STPG2: variants seen among roughly 807,000 people sequenced by gnomAD.
STPG2 encodes the protein sperm tail PG-rich repeat containing 2.
STPG2 carries 56 observed loss-of-function variants against 54.2 expected under a neutral mutation model. The ratio of observed to expected loss-of-function variants is 1.03; its 90% CI spans 0.83 to 1.29. STPG2 has a LOEUF of 1.29. STPG2 is among the 50% of genes most tolerant of loss of function. The pLI is 0.00. For synonymous variants in STPG2, 200 were observed against 181.8 expected (o/e 1.10, Z -0.81); for missense variants, 596 against 544.9 (o/e 1.09, Z -0.93).
rs1045408927 is a variant in STPG2 at position 97,899,872 on chromosome 4, A to C, written c.1044+44025T>G. Among the ~76,000 whole-genome samples, 14 of 152,316 alleles carry C rather than the reference A, an allele frequency of 9.2e-5. No homozygotes were observed. The South Asian group carries it at 1.4e-3, about 16-fold the overall frequency. On this transcript the variant is annotated intron_variant, in intron 8 of 10. Coordinates refer to ENST00000295268, the MANE Select transcript of STPG2 (RefSeq NM_174952.3). ...AAAATCCAAACTATAAAAACCCTTG[A>C]AGACAACCTAGGCAATATCATTCTG...
chr4:97,630,461 A>C (rs1721238112), intron 10 of STPG2, among the ~76,000 whole-genome samples: 1 of 151,874 alleles, frequency 6.6e-6, no homozygotes, highest in Non-Finnish European at 1.5e-5. Flanking sequence ...TATTCTGAAA[A>C]CTGACTCCAC....
At chr4:97,841,752 A>G (rs1301471681) in intron 8 of STPG2, among the ~76,000 whole-genome samples, 1 of 151,802 alleles carries the variant, frequency 6.6e-6, no homozygotes, top group Non-Finnish European at 1.5e-5. Flanking sequence ...CTTACTAGCT[A>G]TGTGACCTTA....
chr4:97,869,111 T>C (rs551419971), intron 8 of STPG2, among the ~76,000 whole-genome samples: 2 of 151,796 alleles, frequency 1.3e-5, no homozygotes, highest in South Asian at 4.1e-4. Context: ...TTTTGCTAAA[T>C]TGTTTGTTGA....
At chr4:97,609,840 C>T (rs1033597233) in intron 10 of STPG2, among the ~76,000 whole-genome samples, 4 of 151,728 alleles carry the variant, frequency 2.6e-5, no homozygotes, top group African/African-American at 9.7e-5. Flanking sequence ...ATTTCAAATT[C>T]AAACGTCTGT....
Position 98,125,405 on chromosome 4 carries a change from T to C in STPG2, c.387+3023A>G, listed in dbSNP as rs561620971. On this transcript the variant is annotated intron_variant, in intron 3 of 10. Transcript: ENST00000295268. Reference sequence around the variant, plus strand: ...TGTTGTTGTTGTTGCTGTTTGTTTGTCTCTTAACATCAGGGCCCTCCTCTG... The same window carrying C: ...TGTTGTTGTTGTTGCTGTTTGTTTGCCTCTTAACATCAGGGCCCTCCTCTG... Among the ~76,000 whole-genome samples the C allele has an allele frequency of 3.3e-5, 5 of 152,258 alleles. No homozygotes were observed. In the East Asian group the frequency reaches 9.6e-4, roughly 29 times the overall value.
intron 8 of STPG2, among the ~76,000 whole-genome samples, chr4:97,911,161 C>CT (rs1473009611): frequency 6.6e-6 from 1 of 152,236 alleles, no homozygotes; most frequent in East Asian, 1.9e-4. Flanking sequence ...AATAAGATCC[C>CT]TTCAAGCCCA....
At chr4:97,861,058 A>T (rs542197223) in intron 8 of STPG2, among the ~76,000 whole-genome samples, 1 of 152,312 alleles carries the variant, frequency 6.6e-6, no homozygotes, top group East Asian at 1.9e-4. Flanking sequence ...GTGAAGAGAC[A>T]ACCCTCAGAA....
chr4:98,056,804 A>G (rs1396537443), intron 5 of STPG2, among the ~76,000 whole-genome samples: 1 of 151,994 alleles, frequency 6.6e-6, no homozygotes, highest in Non-Finnish European at 1.5e-5. Flanking sequence ...GTAGGTTCTC[A>G]TAAGATTTGG....
chr4:97,920,892 C>A (rs544069762), intron 8 of STPG2, among the ~76,000 whole-genome samples: 1 of 152,158 alleles, frequency 6.6e-6, no homozygotes, highest in Non-Finnish European at 1.5e-5. Context: ...AAGAAATTAA[C>A]AACGAAGAGT....
intron 10 of STPG2, among the ~76,000 whole-genome samples, chr4:97,590,638 GACACACACACAC>G (rs5860506): frequency 1.7e-4 from 23 of 138,620 alleles, no homozygotes; most frequent in Admixed American, 5.2e-4. Flanking sequence ...CAGACACACA[GACACACACACAC>G]ACACACACAC....
intron 8 of STPG2, among the ~76,000 whole-genome samples, chr4:97,905,561 T>C (rs957055423): frequency 6.7e-6 from 1 of 149,828 alleles, no homozygotes; most frequent in Non-Finnish European, 1.5e-5. Context: ...ACGAGCAAAA[T>C]AACCAGTTAA....
intron 4 of STPG2, among the ~76,000 whole-genome samples, chr4:97,468,632 G>T (rs1364898573): frequency 6.6e-6 from 1 of 151,994 alleles, no homozygotes; most frequent in African/African-American, 2.4e-5. Context: ...AGTCCAAGCA[G>T]ATTTTCTGGA....
At chr4:97,650,305 G>A (rs1722029037) in intron 10 of STPG2, among the ~76,000 whole-genome samples, 1 of 152,090 alleles carries the variant, frequency 6.6e-6, no homozygotes, top group South Asian at 2.1e-4. Flanking sequence ...AATAGATGTC[G>A]ATGAAAAGAG....
intron 8 of STPG2, among the ~76,000 whole-genome samples, chr4:97,900,742 G>T (rs914229457): frequency 7.9e-5 from 12 of 151,920 alleles, no homozygotes; most frequent in African/African-American, 2.9e-4. Flanking sequence ...TGAACACAAA[G>T]AAGATAACAG....
intron 5 of STPG2, among the ~76,000 whole-genome samples, chr4:98,063,427 G>A (rs748465947): frequency 1.6e-4 from 24 of 151,456 alleles, no homozygotes; most frequent in Non-Finnish European, 2.4e-4. Context: ...CCAGCCTGGT[G>A]ACAGAGCAAG....
At chr4:97,441,647 G>T (rs1423547648) in intron 4 of STPG2, 3 of 151,804 alleles carry the variant, frequency 2.0e-5, no homozygotes, top group African/African-American at 4.8e-5. Flanking sequence ...TAATAAAAAA[G>T]ATATAAAATT....
intron 4 of STPG2, among the ~76,000 whole-genome samples, chr4:97,515,761 T>A (rs530197500): frequency 3.5e-4 from 53 of 152,142 alleles, no homozygotes; most frequent in African/African-American, 1.2e-3. Context: ...GAAACTATGT[T>A]TCCTTTATAC....
At chr4:97,547,355 A>T (rs1263997495) in intron 4 of STPG2, among the ~76,000 whole-genome samples, 1 of 152,048 alleles carries the variant, frequency 6.6e-6, no homozygotes, top group South Asian at 2.1e-4. Flanking sequence ...AGACTACAGA[A>T]GCCCGCCACC....
rs537900162 is a variant in STPG2 at position 97,632,441 on chromosome 4, T to C, written c.1321-73324A>G. Among the ~76,000 whole-genome samples, 502 of 152,206 alleles carry C rather than the reference T, an allele frequency of 3.3e-3. 3 individuals are homozygous for C. Among genetic ancestry groups the C allele is most frequent in the African/African-American group, 0.011 (474 of 41,542 alleles). Reference sequence around the variant, plus strand: ...AAAATCTAATAAAATCATCAATTAGTATCACTATTTACTCATAATGTGAGA... The same window carrying C: ...AAAATCTAATAAAATCATCAATTAGCATCACTATTTACTCATAATGTGAGA... On this transcript the variant is annotated intron_variant, in intron 10 of 10. Coordinates refer to ENST00000295268, the MANE Select transcript of STPG2 (RefSeq NM_174952.3).
Sources: gnomAD v4.1 joint callset for allele counts (sites outside exome capture counted in the v4.1 genomes callset) on GRCh38, gnomAD v4.1.1 for gene constraint, MANE v1.5 for transcripts, NCBI Gene and HGNC (gene_info 2026-07-23, HGNC 2026-07-21) for gene names.